Variants in GMDS observed in about 807,000 individuals in gnomAD.
GMDS encodes the protein GDP-mannose 4,6 dehydratase.
GMDS carries 20 observed loss-of-function variants against 49.9 expected under a neutral mutation model. The observed-to-expected ratio is 0.40, with a 90% confidence interval of 0.28 to 0.58. GMDS has a LOEUF of 0.58. Among genes scored for constraint, GMDS ranks in the 20% least tolerant of loss-of-function variants. The probability of loss-of-function intolerance (pLI) is 0.42; values close to 1 mark genes in which losing one functional copy is unlikely to be tolerated. For missense variants in GMDS, 362 were observed against 481.4 expected (o/e 0.75, Z 2.32); for synonymous variants, 177 against 178.6 (o/e 0.99, Z 0.07).
At chr6:2,008,113 C>G (rs2127390343) in intron 4 of GMDS, among the ~76,000 whole-genome samples, 1 of 152,240 alleles carries the variant, frequency 6.6e-6, no homozygotes, top group Admixed American at 6.5e-5. Context: ...AATTTATAGT[C>G]TATTTACATT....
At chr6:1,912,623 A>C in intron 7 of GMDS, among the ~76,000 whole-genome samples, 1 of 152,210 alleles carries the variant, frequency 6.6e-6, no homozygotes, top group East Asian at 1.9e-4. Context: ...TCCTCTCTCC[A>C]TAGCTTGTGG....
At chr6:2,149,216 A>G (rs543015851) in intron 1 of GMDS, among the ~76,000 whole-genome samples, 1 of 152,230 alleles carries the variant, frequency 6.6e-6, no homozygotes, top group Non-Finnish European at 1.5e-5. Flanking sequence ...GCAACTATAT[A>G]TTCTTATTAA....
At chr6:1,674,932 ATTTC>A (rs1357641483) in intron 9 of GMDS, among the ~76,000 whole-genome samples, 4 of 150,472 alleles carry the variant, frequency 2.7e-5, no homozygotes, top group Admixed American at 1.3e-4. Context: ...ATTGTTTTAA[ATTTC>A]TTTCTTTTTT....
intron 6 of GMDS, among the ~76,000 whole-genome samples, chr6:1,934,718 C>T (rs1166179529): frequency 1.3e-5 from 2 of 152,070 alleles, no homozygotes; most frequent in Non-Finnish European, 2.9e-5. Flanking sequence ...TGTTTTACTA[C>T]TTAATTCTCA....
At chr6:2,159,522 T>C (rs942934448) in intron 1 of GMDS, among the ~76,000 whole-genome samples, 17 of 141,810 alleles carry the variant, frequency 1.2e-4, no homozygotes, top group East Asian at 7.9e-4. Flanking sequence ...TTCTTTTTTT[T>C]TTTTTTTTTT....
chr6:2,014,076 C>T (rs1350758597), intron 4 of GMDS, among the ~76,000 whole-genome samples: 2 of 149,078 alleles, frequency 1.3e-5, no homozygotes, highest in African/African-American at 2.5e-5. Flanking sequence ...AAAAGAAAAA[C>T]ACCCAACAAA....
At chr6:1,834,941 C>T (rs920265132) in intron 7 of GMDS, among the ~76,000 whole-genome samples, 1 of 152,158 alleles carries the variant, frequency 6.6e-6, no homozygotes, top group Non-Finnish European at 1.5e-5. Context: ...TCTCTGAGGG[C>T]ATTTCAGTTT....
chr6:1,794,469 G>A (rs1769661914), intron 7 of GMDS, among the ~76,000 whole-genome samples: 1 of 152,208 alleles, frequency 6.6e-6, no homozygotes, highest in African/African-American at 2.4e-5. Flanking sequence ...TTGGTTGGTG[G>A]TCGAAACCAT....
intron 4 of GMDS, among the ~76,000 whole-genome samples, chr6:1,969,194 G>A (rs1332902367): frequency 4.8e-5 from 7 of 146,638 alleles, no homozygotes; most frequent in East Asian, 4.1e-4. Flanking sequence ...CCCGGGAGGC[G>A]GCGCTTGCAG....
At chr6:2,194,794 C>A (rs1036836948) in intron 1 of GMDS, among the ~76,000 whole-genome samples, 1 of 152,194 alleles carries the variant, frequency 6.6e-6, no homozygotes, top group Non-Finnish European at 1.5e-5. Flanking sequence ...TAATAAAGAT[C>A]CATTGTTTAA....
At chr6:1,856,887 TGA>T (rs1032066354) in intron 7 of GMDS, among the ~76,000 whole-genome samples, 26 of 152,242 alleles carry the variant, frequency 1.7e-4, no homozygotes, top group African/African-American at 5.8e-4. Flanking sequence ...CATGTGCCAC[TGA>T]GAGAGAGGGC....
intron 9 of GMDS, among the ~76,000 whole-genome samples, chr6:1,699,787 T>A (rs1561739073): frequency 6.6e-6 from 1 of 152,038 alleles, no homozygotes. Flanking sequence ...TAGCCACGTA[T>A]TCTAGAATTA....
intron 7 of GMDS, among the ~76,000 whole-genome samples, chr6:1,922,150 T>C (rs1002608713): frequency 1.3e-5 from 2 of 152,126 alleles, no homozygotes; most frequent in African/African-American, 4.8e-5. Context: ...ACTCCCCAGG[T>C]AAATATCCTC....
At chr6:1,849,425 T>C (rs1251049686) in intron 7 of GMDS, among the ~76,000 whole-genome samples, 2 of 152,174 alleles carry the variant, frequency 1.3e-5, no homozygotes, top group Non-Finnish European at 2.9e-5. Flanking sequence ...AGTAGGAATG[T>C]AGTGACTTCA....
At chr6:1,834,636 C>G (rs979037619) in intron 7 of GMDS, among the ~76,000 whole-genome samples, 7 of 152,104 alleles carry the variant, frequency 4.6e-5, no homozygotes, top group Non-Finnish European at 7.4e-5. Flanking sequence ...AATTGAAGGG[C>G]AATTTCTTAT....
At position 1,682,820 on chromosome 6, in the gene GMDS, C is replaced by T. The variant is rs1162538747; in HGVS notation, c.987+43596G>A. On this transcript the variant is annotated intron_variant, in intron 9 of 10. Transcript: ENST00000380815. ...TCCTGACCTCGTGATCCGCCCGCCTCGGCCTCCCAAAGTGCTGGGATTACA... is the reference window on the plus strand; with the variant it reads ...TCCTGACCTCGTGATCCGCCCGCCTTGGCCTCCCAAAGTGCTGGGATTACA... Among the ~76,000 whole-genome samples the T allele has an allele frequency of 7.8e-4, 2 of 2,550 alleles. 1 individual carries two copies. The highest frequency in any genetic ancestry group is 2.4e-3 in the Admixed American group (2 of 850). 1.7% of individuals were successfully genotyped at this position (2,550 alleles called of 152,430 possible). A position where few individuals can be genotyped will look rare whatever the true frequency, so the allele number is the denominator to read the frequency against.
intron 1 of GMDS, among the ~76,000 whole-genome samples, chr6:2,169,894 A>G (rs978019782): frequency 1.3e-5 from 2 of 152,086 alleles, no homozygotes; most frequent in Non-Finnish European, 2.9e-5. Flanking sequence ...AGAAGGTGCT[A>G]TCTGGTGGTA....
In GMDS at chr6:2,157,108, C is replaced by T. The variant is rs151046914; in HGVS notation, c.103-32377G>A. ...CTAAAAACTCCATTTATAACTGTAG[C>T]ACAGCACAGATCGTCTTCATAGACT... On this transcript the variant is annotated intron_variant, in intron 1 of 10. Coordinates refer to ENST00000380815, the MANE Select transcript of GMDS (RefSeq NM_001500.4). Among the ~76,000 whole-genome samples, 865 of 152,294 alleles carry T rather than the reference C, an allele frequency of 5.7e-3. 2 individuals are homozygous for T. The highest frequency in any genetic ancestry group is 0.017 in the Middle Eastern group (5 of 294).
At chr6:2,237,055 G>A (rs1781393378) in intron 1 of GMDS, among the ~76,000 whole-genome samples, 1 of 152,202 alleles carries the variant, frequency 6.6e-6, no homozygotes, top group South Asian at 2.1e-4. Context: ...AAAAGGCACA[G>A]TATGAACAGT....
Sources: gnomAD v4.1 joint callset for allele counts (sites outside exome capture counted in the v4.1 genomes callset) on GRCh38, gnomAD v4.1.1 for gene constraint, MANE v1.5 for transcripts, NCBI Gene and HGNC (gene_info 2026-07-23, HGNC 2026-07-21) for gene names.